The following GREP1 variants were observed in gnomAD, a reference collection of about 807,000 sequenced individuals.
The protein encoded by GREP1 is glycine rich extracellular protein 1.
intron 22 of GREP1, chr16:2,997,429 G>A (rs917199508): frequency 4.0e-5 from 16 of 398,838 alleles, no homozygotes; most frequent in African/African-American, 2.5e-4. Context: ...GTACTGGGGG[G>A]CTGGAGTTGC....
At chr16:2,995,206 G>C (rs1213321207) in intron 13 of GREP1, 78 bp from the exon 15 acceptor site, 5 of 398,644 alleles carry the variant, frequency 1.3e-5, no homozygotes, top group Non-Finnish European at 2.2e-5. Context: ...GAGGAGCTGG[G>C]GTCCAGATGC....
In GREP1 at chr16:2,993,177, C is replaced by T. The variant is rs144508910; in HGVS notation, c.385+214C>T. On this transcript the variant is annotated intron_variant, in intron 10 of 34. Coordinates refer to ENST00000573315, the Ensembl canonical transcript of GREP1. ...TGGAGGTCTTAGGGGTTGGGGGTTA[C>T]TGATGTAGGGGCCTGGCCCTGGTCC... The T allele has an allele frequency of 1.8e-3, 682 of 372,536 alleles. 3 individuals carry two copies. Among genetic ancestry groups the T allele is most frequent in the Non-Finnish European group, 2.6e-3 (539 of 210,464 alleles). The allele number at this position is 372,536 out of a possible 1,614,324, so 23.1% of individuals were successfully genotyped here.
In GREP1 at chr16:2,992,747, G is replaced by A; in HGVS notation, c.323-58G>A. 7.5e-6 allele frequency: 3 copies of A among 399,142 alleles called. No homozygotes were observed. Among genetic ancestry groups the A allele is most frequent in the Non-Finnish European group, 1.3e-5 (3 of 226,204 alleles). 24.7% of individuals were successfully genotyped at this position (399,142 alleles called of 1,614,324 possible). A position where few individuals can be genotyped will look rare whatever the true frequency, so the allele number is the denominator to read the frequency against. On this transcript the variant is annotated intron_variant, in intron 8 of 34. Transcript: ENST00000573315. The surrounding 1 kb of genome is among the most constrained non-coding windows in gnomAD (Gnocchi z 4.9). The stretch of plus-strand genomic sequence containing the variant: ...CAGAAAGGGAGAGGGCAGGGCTCCA[G>A]GCCCCAGCTCATCCCCACTGCACCA...
intron 26 of GREP1, chr16:2,999,181 C>T (rs1318367495): frequency 2.5e-6 from 1 of 398,714 alleles, no homozygotes; most frequent in African/African-American, 2.1e-5. Context: ...GAGTCCTTTC[C>T]ATCCCTGCCC....
rs926757614 is a variant in GREP1 at position 2,991,105 on chromosome 16, AGGAAACGTCGGGTGT to A, written c.322+7_322+21del. 2.5e-6 allele frequency: 1 copy of A among 399,216 alleles called. No individual in the cohort carries two copies. The highest frequency in any genetic ancestry group is 3.6e-5 in the East Asian group (1 of 28,048). 24.7% of individuals were successfully genotyped at this position (399,216 alleles called of 1,614,324 possible). On this transcript the variant is annotated splice_donor_5th_base_variant and intron_variant, in intron 8 of 34. Coordinates refer to ENST00000573315, the Ensembl canonical transcript of GREP1. The surrounding 1 kb of genome is among the most constrained non-coding windows in gnomAD (Gnocchi z 4.9). The stretch of plus-strand genomic sequence containing the variant: ...CCAGTGGCCGGAGCCCAGTCAGGTG[AGGAAACGTCGGGTGT>A]GGCAGGACCTGGGCTTCCAGGAGGG...
At chr16:2,990,344 G>A in intron 5 of GREP1, 2 of 398,666 alleles carry the variant, frequency 5.0e-6, no homozygotes, top group Non-Finnish European at 8.8e-6. Flanking sequence ...CACTAAGAAT[G>A]GCTATGGAGC....
chr16:3,001,357 G>A (rs2256045), intron 34 of GREP1, 23 bp downstream of exon 28: 205,808 of 398,884 alleles, frequency 0.52, 53,489 homozygotes, highest in Admixed American at 0.6. Context: ...CGCAATGGCC[G>A]AGCCGCCTGC....
chr16:2,991,114 C>T lies in GREP1; in HGVS notation c.322+13C>T, dbSNP rs367717631. 4 of 399,044 alleles carry T rather than the reference C, an allele frequency of 1.0e-5. No individual in the cohort carries two copies. Among genetic ancestry groups the T allele is most frequent in the African/African-American group, 4.1e-5 (2 of 48,542 alleles). The allele number at this position is 399,044 out of a possible 1,614,324, so 24.7% of individuals were successfully genotyped here. On this transcript the variant is annotated intron_variant, in intron 8 of 34. Transcript: ENST00000573315. The surrounding 1 kb of genome is among the most constrained non-coding windows in gnomAD (Gnocchi z 4.9). ...GGAGCCCAGTCAGGTGAGGAAACGT[C>T]GGGTGTGGCAGGACCTGGGCTTCCA...
exon 33 of GREP1, chr16:3,000,741 G>T (rs1596463649): frequency 2.5e-6 from 1 of 398,842 alleles, no homozygotes; most frequent in African/African-American, 2.1e-5. Context: ...TGGAACTCTC[G>T]CTGGCCCACC....
Position 2,990,251 on chromosome 16 carries a change from G to T in GREP1, c.199+129G>T, listed in dbSNP as rs116984883. 2.6e-3 allele frequency: 1,033 copies of T among 397,954 alleles called. 3 individuals carry two copies. Among genetic ancestry groups the T allele is most frequent in the Non-Finnish European group, 3.8e-3 (867 of 226,028 alleles). 24.7% of individuals were successfully genotyped at this position (397,954 alleles called of 1,614,324 possible). A position where few individuals can be genotyped will look rare whatever the true frequency, so the allele number is the denominator to read the frequency against. ...TGCTGGTGTCTGGCTTAGTCCAAGG[G>T]GGGGTTCAAGGGTCTTGTACCCCCA... On this transcript the variant is annotated intron_variant, in intron 5 of 34. Coordinates refer to ENST00000573315, the Ensembl canonical transcript of GREP1.
chr16:2,997,898 C>T (rs1445030407), intron 23 of GREP1, 63 bp downstream of exon 21: 11 of 398,460 alleles, frequency 2.8e-5, no homozygotes, highest in Non-Finnish European at 4.4e-5. Context: ...CCACCCTTTT[C>T]CCCTCCCAAG....
intron 2 of GREP1, 33 bp downstream of exon 2, chr16:2,988,655 G>C (rs764471043): frequency 7.5e-6 from 3 of 398,960 alleles, no homozygotes; most frequent in Non-Finnish European, 1.3e-5. Flanking sequence ...GGGTCAGGAA[G>C]AGTCTCCCAT....
Position 3,001,348 on chromosome 16 carries a change from G to A in GREP1, c.1585+14G>A, listed in dbSNP as rs754787529. The A allele has an allele frequency of 5.5e-5, 22 of 399,014 alleles. No homozygotes were observed. Among genetic ancestry groups the A allele is most frequent in the African/African-American group, 2.9e-4 (14 of 48,622 alleles). 24.7% of individuals were successfully genotyped at this position (399,014 alleles called of 1,614,324 possible). ...ATGGCTACGGAGGTGAGAGGGAGGC[G>A]CAATGGCCGAGCCGCCTGCCCAAAG... On this transcript the variant is annotated intron_variant, in intron 34 of 34. Coordinates refer to ENST00000573315, the Ensembl canonical transcript of GREP1.
chr16:2,992,123 G>A lies in GREP1; in HGVS notation c.323-682G>A, dbSNP rs967193248. ...ACTCGGTCTCCCAAGATCTGGTGAT[G>A]GGAATGGGATGGGAGCTGGGGCCTT... On this transcript the variant is annotated intron_variant, in intron 8 of 34. Transcript: ENST00000573315. This position sits in a 1 kb window ranked among gnomAD's most constrained non-coding sequence, Gnocchi z 4.9. The A allele has an allele frequency of 6.6e-6, 1 of 152,628 alleles. No individual in the cohort carries two copies. Among genetic ancestry groups the A allele is most frequent in the African/African-American group, 2.4e-5 (1 of 41,454 alleles). 9.5% of individuals were successfully genotyped at this position (152,628 alleles called of 1,614,324 possible).
chr16:2,996,761 C>G (rs1185075065), intron 20 of GREP1, 56 bp downstream of exon 19: 2 of 398,750 alleles, frequency 5.0e-6, no homozygotes, highest in Non-Finnish European at 8.8e-6. Context: ...GGTGTTCTAG[C>G]TGGGTCTGCG....
chr16:2,997,828 G>C (rs2072434342), exon 23 of GREP1: 4 of 398,580 alleles, frequency 1.0e-5, no homozygotes, highest in African/African-American at 4.1e-5. Flanking sequence ...TGAAACCTCA[G>C]AAGCCAGGTA....
At chr16:2,997,728 G>A in intron 22 of GREP1, 75 bp from the exon 21 acceptor site, 2 of 398,628 alleles carry the variant, frequency 5.0e-6, no homozygotes, top group Admixed American at 4.4e-5. Context: ...CCAGGTGGGG[G>A]ACAGATGCCA....
At chr16:2,999,737 C>A (rs1339214224) in intron 27 of GREP1, among the ~76,000 whole-genome samples, 165 bp from the exon 25 acceptor site, 2 of 152,216 alleles carry the variant, frequency 1.3e-5, no homozygotes, top group Non-Finnish European at 2.9e-5. Context: ...CAGGCGTGAG[C>A]CACTGCGCCC....
intron 10 of GREP1, 52 bp downstream of exon 11, chr16:2,993,015 C>G (rs559190623): frequency 2.5e-6 from 1 of 398,872 alleles, no homozygotes; most frequent in Non-Finnish European, 4.4e-6. Context: ...GCATCTGCCG[C>G]TGCTTCCCTA....
Sources: allele counts gnomAD v4.1 joint callset (sites outside exome capture counted in the v4.1 genomes callset), GRCh38; gene constraint gnomAD v4.1.1; non-coding constraint Gnocchi (gnomAD v3.1); transcripts MANE v1.5; gene names NCBI Gene and HGNC (gene_info 2026-07-23, HGNC 2026-07-21).